Variants in NFXL1 observed in about 807,000 individuals in gnomAD.
NFXL1 encodes the protein nuclear transcription factor, X-box binding like 1, also known as NF-X1-type zinc finger protein NFXL1.
NFXL1 carries 66 observed loss-of-function variants against 123.3 expected under a neutral mutation model. The observed-to-expected ratio is 0.54, with a 90% confidence interval of 0.44 to 0.66. The LOEUF (loss-of-function observed/expected upper bound fraction) is 0.66. Among genes scored for constraint, NFXL1 ranks in the 30% least tolerant of loss-of-function variants. NFXL1 has a pLI of 0.00. For synonymous variants in NFXL1, 346 were observed against 360.8 expected (o/e 0.96, Z 0.46); for missense variants, 944 against 1,125.6 (o/e 0.84, Z 2.31).
chr4:47,871,350 CA>C (rs373960425), intron 18 of NFXL1, among the ~76,000 whole-genome samples: 47 of 135,842 alleles, frequency 3.5e-4, no homozygotes, highest in Middle Eastern at 3.9e-3. Context: ...GACTCCGTCT[CA>C]AAAAAAAAAA....
At chr4:47,886,485 A>C (rs1458665045) in intron 12 of NFXL1, among the ~76,000 whole-genome samples, 1 of 151,908 alleles carries the variant, frequency 6.6e-6, no homozygotes, top group East Asian at 1.9e-4. Context: ...CTCCCACGTC[A>C]GCCTTCCAAG....
At chr4:47,883,926 C>T (rs192198887) in intron 15 of NFXL1, among the ~76,000 whole-genome samples, 1 of 152,338 alleles carries the variant, frequency 6.6e-6, no homozygotes, top group African/African-American at 2.4e-5. Flanking sequence ...CAGGAAACTA[C>T]TTCCTCTCAT....
intron 18 of NFXL1, among the ~76,000 whole-genome samples, chr4:47,868,260 AGTG>A (rs1261350935): frequency 6.6e-6 from 1 of 151,940 alleles, no homozygotes; most frequent in Non-Finnish European, 1.5e-5. Flanking sequence ...CGGAGCTTGC[AGTG>A]AGCCGAGATC....
chr4:47,875,381 T>C, intron 17 of NFXL1, 88 bp from the exon 18 acceptor site: 1 of 945,682 alleles, frequency 1.1e-6, no homozygotes, highest in Non-Finnish European at 1.5e-6. Context: ...ATATATCCCA[T>C]TAAAATAAAG....
In NFXL1 at chr4:47,896,662, A is replaced by T; in HGVS notation, c.1205-15T>A. ...CAAAGAAAACTCTAAAAACATACAAAAAGTCAATGTTAATAATGAGACATT... is the reference window on the plus strand; with the variant it reads ...CAAAGAAAACTCTAAAAACATACAATAAGTCAATGTTAATAATGAGACATT... On this transcript the variant is annotated splice_polypyrimidine_tract_variant and intron_variant, in intron 9 of 22. Transcript: ENST00000507489. 1 of 1,580,446 alleles carries T rather than the reference A, an allele frequency of 6.3e-7. No homozygotes were observed. Among genetic ancestry groups the T allele is most frequent in the Non-Finnish European group, 8.7e-7 (1 of 1,151,642 alleles).
intron 12 of NFXL1, 27 bp downstream of exon 12, chr4:47,890,586 A>C (rs1368043812): frequency 1.6e-6 from 2 of 1,267,016 alleles, no homozygotes; most frequent in South Asian, 2.5e-5. Context: ...CTACAAACAT[A>C]AAATCATAGC....
intron 17 of NFXL1, 118 bp downstream of exon 17, chr4:47,878,407 G>A (rs1578012541): frequency 2.7e-6 from 2 of 742,028 alleles, no homozygotes; most frequent in East Asian, 2.6e-5. Context: ...GAGAAGGGAT[G>A]AGGGCAAAAA....
At chr4:47,873,561 C>G (rs1032383465) in intron 18 of NFXL1, among the ~76,000 whole-genome samples, 1 of 152,184 alleles carries the variant, frequency 6.6e-6, no homozygotes, top group Non-Finnish European at 1.5e-5. Flanking sequence ...TTAAAGGAAT[C>G]TTTCTGATCA....
chr4:47,914,033 C>G lies in NFXL1; in HGVS notation c.171G>C (p.Thr57=). 1 of 1,549,200 alleles carries G rather than the reference C, an allele frequency of 6.5e-7. No individual in the cohort carries two copies. Among genetic ancestry groups the G allele is most frequent in the Non-Finnish European group, 8.7e-7 (1 of 1,146,920 alleles). Residue 57 remains threonine, a synonymous_variant, in exon 2 of 23, where the codon ACG becomes ACC. Coordinates refer to ENST00000507489, the MANE Select transcript of NFXL1 (RefSeq NM_001278624.2). ...SGTSPGGVAT[T]AAAGSRHSPA... is the part of the protein sequence containing the mutation. The stretch of plus-strand genomic sequence containing the variant: ...GGCTGTGCCTGCTCCCTGCAGCCGC[C>G]GTGGTCGCGACTCCTCCGGGACTGG...
intron 11 of NFXL1, among the ~76,000 whole-genome samples, chr4:47,891,111 T>C (rs1736742053): frequency 7.6e-6 from 1 of 132,224 alleles, no homozygotes; most frequent in Non-Finnish European, 1.8e-5. Context: ...TTTTTCTTTT[T>C]TTCTTTTTTT....
At chr4:47,900,398 C>G (rs1243355598) in intron 5 of NFXL1, among the ~76,000 whole-genome samples, 1 of 152,008 alleles carries the variant, frequency 6.6e-6, no homozygotes, top group Non-Finnish European at 1.5e-5. Flanking sequence ...TTTAGTAGAT[C>G]CGGGGTTTTG....
intron 10 of NFXL1, 74 bp from the exon 11 acceptor site, chr4:47,894,376 T>C: frequency 9.0e-7 from 1 of 1,114,310 alleles, no homozygotes; most frequent in Non-Finnish European, 1.2e-6. Context: ...ACTTCTACAA[T>C]TATTAAAACA....
At chr4:47,877,508 T>C (rs1309904671) in intron 17 of NFXL1, among the ~76,000 whole-genome samples, 4 of 152,130 alleles carry the variant, frequency 2.6e-5, no homozygotes, top group Non-Finnish European at 5.9e-5. Context: ...TCTGGAAATC[T>C]GGAAGAGGGA....
At chr4:47,870,564 G>A (rs976283711) in intron 18 of NFXL1, among the ~76,000 whole-genome samples, 10 of 151,902 alleles carry the variant, frequency 6.6e-5, no homozygotes, top group African/African-American at 1.9e-4. Flanking sequence ...AATCCATTAT[G>A]AGGCAAAAGT....
chr4:47,914,235 G>T (rs1157478191), intron 1 of NFXL1, 30 bp from the exon 2 acceptor site: 13 of 1,370,010 alleles, frequency 9.5e-6, no homozygotes, highest in Admixed American at 2.6e-5. Context: ...AAAAAAGAGT[G>T]GAAGGAGGTG....
At chr4:47,913,900 G>C in intron 2 of NFXL1, 69 bp downstream of exon 2, 1 of 1,043,008 alleles carries the variant, frequency 9.6e-7, no homozygotes, top group East Asian at 2.9e-5. Context: ...GGCGAGGGCG[G>C]AGGCGGTCCT....
chr4:47,910,029 T>A (rs1258703765), intron 3 of NFXL1, among the ~76,000 whole-genome samples: 1 of 152,208 alleles, frequency 6.6e-6, no homozygotes, highest in East Asian at 1.9e-4. Flanking sequence ...ATATTTACAT[T>A]TAAAATAATC....
intron 18 of NFXL1, among the ~76,000 whole-genome samples, chr4:47,869,598 C>A (rs1735307377): frequency 6.6e-6 from 1 of 151,722 alleles, no homozygotes; most frequent in Admixed American, 6.6e-5. Context: ...ATGGAATATA[C>A]CTAAAGCAAT....
chr4:47,872,357 G>T (rs1185572489), intron 18 of NFXL1, among the ~76,000 whole-genome samples: 6 of 151,792 alleles, frequency 4.0e-5, no homozygotes, highest in Non-Finnish European at 8.8e-5. Flanking sequence ...AGCTACTCAG[G>T]AGGCCAAGGC....
Sources: gnomAD v4.1 joint callset for allele counts (sites outside exome capture counted in the v4.1 genomes callset) on GRCh38, gnomAD v4.1.1 for gene constraint, MANE v1.5 for transcripts, NCBI Gene and HGNC (gene_info 2026-07-23, HGNC 2026-07-21) for gene names.